The following CLIP2 variants were observed in gnomAD, a reference collection of about 807,000 sequenced individuals.
CLIP2 encodes the protein CAP-Gly domain-containing linker protein 2.
A neutral mutation model predicts 111.7 loss-of-function variants in CLIP2; 41 were observed. That is an observed-to-expected ratio of 0.37 (90% CI 0.29 to 0.48). The LOEUF (loss-of-function observed/expected upper bound fraction) is 0.48, where lower values mean the gene tolerates loss of function less well. CLIP2 is among the 20% of genes least tolerant of loss of function. CLIP2 has a pLI of 0.99. For synonymous variants in CLIP2, 660 were observed against 644.2 expected, an observed-to-expected ratio of 1.02 and a Z score of -0.37; for missense variants, 1,160 against 1,422.1, an observed-to-expected ratio of 0.82 and a Z score of 2.96.
At chr7:74,317,709 C>A (rs1584320683) in intron 2 of CLIP2, 42 bp downstream of exon 2, 5 of 1,382,856 alleles carry the variant, frequency 3.6e-6, no homozygotes, top group Non-Finnish European at 4.7e-6. Flanking sequence ...GGACTGGCTA[C>A]ATGGGATGAG....
chr7:74,344,048 T>C (rs1347101216), intron 3 of CLIP2, among the ~76,000 whole-genome samples: 2 of 152,138 alleles, frequency 1.3e-5, no homozygotes, highest in South Asian at 2.1e-4. Flanking sequence ...AAGTGGAGGC[T>C]CTGGGGGTTA....
chr7:74,348,789 C>CA (rs377752236), intron 3 of CLIP2, among the ~76,000 whole-genome samples: 73,074 of 108,140 alleles, frequency 0.68, 23,712 homozygotes, highest in Non-Finnish European at 0.75. Context: ...GACTCTGTCT[C>CA]AAAAAAAAAA....
At chr7:74,308,974 C>A (rs991988236) in intron 1 of CLIP2, among the ~76,000 whole-genome samples, 1 of 152,008 alleles carries the variant, frequency 6.6e-6, no homozygotes, top group Non-Finnish European at 1.5e-5. Flanking sequence ...CTGAAGCAAT[C>A]CTCTCACCTT....
intron 13 of CLIP2, among the ~76,000 whole-genome samples, chr7:74,395,993 G>A (rs1791436320): frequency 6.6e-6 from 1 of 152,192 alleles, no homozygotes; most frequent in African/African-American, 2.4e-5. Flanking sequence ...GAAGGGAGCT[G>A]TGCCAGCAGA....
intron 16 of CLIP2, among the ~76,000 whole-genome samples, chr7:74,403,163 G>T (rs1791668044): frequency 6.8e-6 from 1 of 146,800 alleles, no homozygotes; most frequent in Non-Finnish European, 1.5e-5. Flanking sequence ...AGGTTGCAGT[G>T]AGCCAAGATC....
chr7:74,349,274 T>C (rs1789901429), intron 3 of CLIP2, among the ~76,000 whole-genome samples: 1 of 150,552 alleles, frequency 6.6e-6, no homozygotes, highest in Non-Finnish European at 1.5e-5. Context: ...CTACTAAAAA[T>C]ACAAAAATTA....
At chr7:74,375,770 C>G in intron 9 of CLIP2, 117 bp from the exon 10 acceptor site, 1 of 819,760 alleles carries the variant, frequency 1.2e-6, no homozygotes, top group Non-Finnish European at 1.8e-6. Context: ...TGACCTCCAC[C>G]TGCTGGGGCT....
At chr7:74,370,823 T>C (rs1346675475) in intron 8 of CLIP2, among the ~76,000 whole-genome samples, 1 of 152,050 alleles carries the variant, frequency 6.6e-6, no homozygotes, top group Non-Finnish European at 1.5e-5. Context: ...GTAAATTACA[T>C]GTTTCCTCTA....
At chr7:74,355,779 G>A (rs551192320) in intron 4 of CLIP2, among the ~76,000 whole-genome samples, 4 of 152,332 alleles carry the variant, frequency 2.6e-5, no homozygotes, top group Non-Finnish European at 5.9e-5. Flanking sequence ...CAGAATTCAG[G>A]GGTGGGTTGG....
Position 74,317,604 on chromosome 7 carries a change from A to G in CLIP2, c.58A>G (p.Met20Val), listed in dbSNP as rs782203210. 10 of 1,523,244 alleles carry G rather than the reference A, an allele frequency of 6.6e-6. No individual in the cohort carries two copies. In the Admixed American group the frequency reaches 1.8e-4, roughly 27 times the overall value. The allele number at this position is 1,523,244 out of a possible 1,614,324, so 94.4% of individuals were successfully genotyped here. A position where few individuals can be genotyped will look rare whatever the true frequency, so the allele number is the denominator to read the frequency against. ...PGRGGKHSSP[M>V]GRTSTGSASS... ...CCGTGGGGGGAAGCACTCCAGCCCC[A>G]TGGGCCGGACATCTACTGGGTCAGC... The change falls in exon 2 of 17, where the codon ATG (methionine) becomes GTG (valine). Residue 20 changes from methionine to valine, a missense_variant. Physicochemically the swap from Met to Val is conservative, Grantham distance 21. This residue lies in a region of CLIP2 where 301 missense variants were observed against 315.2 expected (regional missense o/e 0.96). Coordinates refer to ENST00000223398, the MANE Select transcript of CLIP2 (RefSeq NM_003388.5).
Position 74,389,166 on chromosome 7 carries a change from G to A in CLIP2, c.2627G>A (p.Arg876His), listed in dbSNP as rs782653077. Residue 876 changes from arginine to histidine, a missense_variant, in exon 13 of 17, where the codon CGC (arginine) becomes CAC (histidine). Around this residue, in one of 5 missense-constraint regions of CLIP2, gnomAD observed 676 missense variants for 777.8 expected, o/e 0.87. Transcript: ENST00000223398. ...KVDALLKEKR[R>H]LEAELETVSR... The stretch of plus-strand genomic sequence containing the variant: ...GACGCCCTCCTGAAGGAGAAGCGGC[G>A]CCTGGAGGCAGAGCTGGAGACCGTG... 167 of 1,613,628 alleles carry A rather than the reference G, an allele frequency of 1.0e-4. 1 individual carries two copies. In the South Asian group the frequency reaches 1.5e-3, roughly 14 times the overall value.
chr7:74,330,133 T>C (rs562910781), intron 2 of CLIP2, among the ~76,000 whole-genome samples: 5 of 151,652 alleles, frequency 3.3e-5, no homozygotes, highest in Admixed American at 6.6e-5. Context: ...CTCTCTATGT[T>C]GCCCAGGCTG....
chr7:74,403,781 C>T, intron 16 of CLIP2, 56 bp from the exon 17 acceptor site: 9 of 1,606,924 alleles, frequency 5.6e-6, no homozygotes, highest in Non-Finnish European at 6.0e-6. Context: ...CCTCTGGCCG[C>T]CTGGCCCTCC....
chr7:74,399,841 C>G (rs949081895), intron 14 of CLIP2, among the ~76,000 whole-genome samples: 1 of 151,210 alleles, frequency 6.6e-6, no homozygotes, highest in Non-Finnish European at 1.5e-5. Context: ...GGCTCGGTCT[C>G]TGTCTCTTTT....
chr7:74,294,388 T>A (rs1788113490), intron 1 of CLIP2, among the ~76,000 whole-genome samples: 1 of 152,226 alleles, frequency 6.6e-6, no homozygotes, highest in African/African-American at 2.4e-5. Flanking sequence ...AGATGGTTTT[T>A]ATTAACGAGG....
intron 1 of CLIP2, among the ~76,000 whole-genome samples, chr7:74,297,170 G>C (rs1413542201): frequency 1.8e-4 from 27 of 152,166 alleles, no homozygotes; most frequent in African/African-American, 6.5e-4. Context: ...AAGGGCAGCT[G>C]TCCCAACAAG....
At chr7:74,323,159 G>T (rs758931406) in intron 2 of CLIP2, among the ~76,000 whole-genome samples, 1 of 151,418 alleles carries the variant, frequency 6.6e-6, no homozygotes, top group African/African-American at 2.4e-5. Context: ...TGCCCAGGCT[G>T]GAGTGCAGTG....
At chr7:74,400,627 C>A in intron 15 of CLIP2, 72 bp downstream of exon 15, 1 of 1,390,314 alleles carries the variant, frequency 7.2e-7, no homozygotes, top group Non-Finnish European at 9.6e-7. Context: ...CCGTCTGATG[C>A]GGGAGGCAGC....
intron 2 of CLIP2, among the ~76,000 whole-genome samples, chr7:74,333,286 C>T (rs891673281): frequency 1.5e-4 from 23 of 151,658 alleles, no homozygotes; most frequent in African/African-American, 5.3e-4. Context: ...TGGGCTTAAG[C>T]GATTCTCCTG....
Sources: gnomAD v4.1 joint callset for allele counts (sites outside exome capture counted in the v4.1 genomes callset) on GRCh38, gnomAD v4.1.1 for gene constraint, gnomAD v4.1.1 regional missense constraint, MANE v1.5 for transcripts, NCBI Gene and HGNC (gene_info 2026-07-23, HGNC 2026-07-21) for gene names.